The following SNX9 variants were observed in gnomAD, a reference collection of about 807,000 sequenced individuals.
SNX9 encodes the protein sorting nexin-9.
SNX9 carries 44 observed loss-of-function variants against 89.4 expected under a neutral mutation model. That is an observed-to-expected ratio of 0.49 (90% confidence interval 0.39 to 0.63). The LOEUF is 0.63. SNX9 is among the 30% of genes least tolerant of loss of function. The pLI, the probability that SNX9 is intolerant of heterozygous loss-of-function variation, is 0.00. For missense variants in SNX9, 578 were observed against 736.1 expected, an observed-to-expected ratio of 0.79 and a Z score of 2.49; for synonymous variants, 236 against 247.8, an observed-to-expected ratio of 0.95 and a Z score of 0.45.
intron 1 of SNX9, among the ~76,000 whole-genome samples, chr6:157,848,382 C>T (rs1014124411): frequency 6.6e-6 from 1 of 151,998 alleles, no homozygotes; most frequent in African/African-American, 2.4e-5. Flanking sequence ...TTCCCCCAAA[C>T]CGTGGTAGAG....
At chr6:157,875,524 G>A (rs1295510000) in intron 4 of SNX9, among the ~76,000 whole-genome samples, 1 of 152,194 alleles carries the variant, frequency 6.6e-6, no homozygotes, top group African/African-American at 2.4e-5. Context: ...GAGGAGGTCA[G>A]TGTCAGAGCC....
intron 1 of SNX9, among the ~76,000 whole-genome samples, chr6:157,853,312 T>C (rs937761830): frequency 1.3e-5 from 2 of 152,138 alleles, no homozygotes; most frequent in South Asian, 2.1e-4. Context: ...TCTGCAGTTA[T>C]TCTTTGTTCC....
At chr6:157,924,576 A>T in intron 10 of SNX9, 1 of 156,256 alleles carries the variant, frequency 6.4e-6, no homozygotes, top group African/African-American at 2.4e-5. Context: ...CAGTTAGCTC[A>T]GTGAAAGTTA....
chr6:157,918,467 G>T (rs954910563), intron 9 of SNX9, among the ~76,000 whole-genome samples: 3 of 151,952 alleles, frequency 2.0e-5, no homozygotes, highest in Admixed American at 1.3e-4. Context: ...TTTCCCATCC[G>T]TTTACTTTCA....
chr6:157,918,416 C>T (rs547501547), intron 9 of SNX9, among the ~76,000 whole-genome samples: 9 of 152,192 alleles, frequency 5.9e-5, no homozygotes, highest in Non-Finnish European at 8.8e-5. Context: ...TTAATATAGC[C>T]ACTCCATTTC....
chr6:157,938,532 C>A, intron 15 of SNX9, 101 bp from the exon 16 acceptor site: 1 of 711,842 alleles, frequency 1.4e-6, no homozygotes, highest in Non-Finnish European at 2.3e-6. Flanking sequence ...ATTTCCTGTT[C>A]AGTAGCAAAT....
Position 157,937,460 on chromosome 6 carries a change from G to A in SNX9, c.1470G>A (p.Met490Ile), listed in dbSNP as rs747192131. The A allele has an allele frequency of 1.2e-6, 2 of 1,613,646 alleles. No individual in the cohort carries two copies. Reference protein sequence around the residue: ...EQPKKDLHFLMECNHEYKGFL... With the variant: ...EQPKKDLHFLIECNHEYKGFL... ...CAAAGAAAGATCTCCATTTCCTGAT[G>A]GAATGTAATCACGAGTATAAAGGTT... The change falls in exon 15 of 18, where the codon ATG (methionine) becomes ATA (isoleucine). Residue 490 changes from methionine to isoleucine, a missense_variant. By Grantham distance (10) the Met-to-Ile change is conservative. Transcript: ENST00000392185.
At chr6:157,842,099 TTATACTTAAAAATTCAGAA>T (rs1781714905) in intron 1 of SNX9, among the ~76,000 whole-genome samples, 1 of 152,228 alleles carries the variant, frequency 6.6e-6, no homozygotes, top group Non-Finnish European at 1.5e-5. Context: ...GTAATTCCTG[TTATACTTAAAAATTCAGAA>T]TACATTCTTA....
chr6:157,902,879 GCTGGTCTCAAGCTC>G (rs1395585823), intron 6 of SNX9, among the ~76,000 whole-genome samples: 2 of 151,814 alleles, frequency 1.3e-5, no homozygotes, highest in African/African-American at 4.8e-5. Context: ...CGTTGGCCAG[GCTGGTCTCAAGCTC>G]CTGGTCTCAA....
chr6:157,925,736 G>T (rs890487607), intron 10 of SNX9, among the ~76,000 whole-genome samples: 2 of 152,078 alleles, frequency 1.3e-5, no homozygotes, highest in African/African-American at 4.8e-5. Context: ...TTGCTAGCTT[G>T]AAAAACTAGC....
intron 5 of SNX9, among the ~76,000 whole-genome samples, chr6:157,901,190 C>T (rs965210098): frequency 5.3e-5 from 8 of 152,216 alleles, no homozygotes; most frequent in African/African-American, 1.9e-4. Context: ...ACTGTCTTTA[C>T]ACAATCCTGC....
chr6:157,848,712 C>A (rs565177150), intron 1 of SNX9, among the ~76,000 whole-genome samples: 1 of 152,284 alleles, frequency 6.6e-6, no homozygotes, highest in Non-Finnish European at 1.5e-5. Context: ...CTGAGCAGGA[C>A]TGACAGGGAG....
chr6:157,870,638 T>A (rs113103839), intron 2 of SNX9, among the ~76,000 whole-genome samples: 4,201 of 138,188 alleles, frequency 0.03, 171 homozygotes, highest in African/African-American at 0.11. Flanking sequence ...ATACCCACAC[T>A]CTCCTGCTCT....
chr6:157,909,538 A>T, intron 7 of SNX9, 127 bp from the exon 8 acceptor site: 2 of 1,106,498 alleles, frequency 1.8e-6, no homozygotes, highest in Non-Finnish European at 2.6e-6. Flanking sequence ...TGTACCTTTC[A>T]AAGAGGAACA....
intron 9 of SNX9, among the ~76,000 whole-genome samples, chr6:157,915,660 C>CATATATATATAT (rs1783451838): frequency 8.5e-6 from 1 of 117,068 alleles, no homozygotes; most frequent in African/African-American, 3.6e-5. Context: ...TATATATACA[C>CATATATATATAT]ACACACACAC....
At chr6:157,925,034 A>C (rs1783661741) in intron 10 of SNX9, among the ~76,000 whole-genome samples, 1 of 152,220 alleles carries the variant, frequency 6.6e-6, no homozygotes, top group South Asian at 2.1e-4. Flanking sequence ...CTATGCAGGA[A>C]GATGTGGATA....
chr6:157,859,544 G>A (rs758276891), intron 1 of SNX9, among the ~76,000 whole-genome samples: 2 of 152,156 alleles, frequency 1.3e-5, no homozygotes, highest in Non-Finnish European at 2.9e-5. Flanking sequence ...TGCAGAAATC[G>A]AAAAGTGGAG....
At chr6:157,838,426 A>C (rs957618195) in intron 1 of SNX9, among the ~76,000 whole-genome samples, 2 of 152,174 alleles carry the variant, frequency 1.3e-5, no homozygotes, top group Non-Finnish European at 2.9e-5. Context: ...GAACACAGAC[A>C]CTTAGATATC....
At chr6:157,906,359 T>C (rs1205033685) in intron 7 of SNX9, 147 bp downstream of exon 7, 14 of 608,074 alleles carry the variant, frequency 2.3e-5, no homozygotes, top group South Asian at 2.0e-4. Flanking sequence ...GTTAGTGTTG[T>C]AGGAGTACTG....
Sources: gnomAD v4.1 joint callset for allele counts (sites outside exome capture counted in the v4.1 genomes callset) on GRCh38, gnomAD v4.1.1 for gene constraint, MANE v1.5 for transcripts, NCBI Gene and HGNC (gene_info 2026-07-23, HGNC 2026-07-21) for gene names.